The following TENT5D variants were observed in gnomAD, a reference collection of about 807,000 sequenced individuals.
TENT5D encodes cancer/testis antigen 112.
For missense variants in TENT5D, 191 were observed against 287.0 expected (o/e 0.67, Z 2.42); for synonymous variants, 103 against 100.6 (o/e 1.02, Z -0.15).
chrX:80,397,763 C>T lies in TENT5D; in HGVS notation c.-141-40847C>T, dbSNP rs751647779. Among the ~76,000 whole-genome samples, 148 of 112,697 alleles carry T rather than the reference C, an allele frequency of 1.3e-3. 1 individual carries two copies. The highest frequency in any genetic ancestry group is 2.5e-3 in the Non-Finnish European group (133 of 53,214). On this transcript the variant is annotated intron_variant, in intron 3 of 4. Transcript: ENST00000538312. ...CCAACACAGCGAAACCCCGTCTCCA[C>T]CAAAAAAATACGAAAACAAGTCAGG...
intron 3 of TENT5D, among the ~76,000 whole-genome samples, chrX:80,373,809 A>G (rs990876054): frequency 1.8e-5 from 2 of 111,173 alleles, no homozygotes; most frequent in African/African-American, 6.5e-5. Context: ...TATTTCATGT[A>G]TATTTTTTAG....
At chrX:80,411,313 C>G (rs1377320888) in intron 3 of TENT5D, among the ~76,000 whole-genome samples, 2 of 111,734 alleles carry the variant, frequency 1.8e-5, no homozygotes, top group Admixed American at 9.5e-5. Context: ...TTCTTAACAT[C>G]AAAACCCAAT....
intron 3 of TENT5D, among the ~76,000 whole-genome samples, chrX:80,367,978 ATAAC>A (rs1930543525): frequency 9.0e-6 from 1 of 111,571 alleles, no homozygotes; most frequent in Admixed American, 9.6e-5. Flanking sequence ...ACATTTAAAA[ATAAC>A]TAAAAGAGTA....
chrX:80,438,486 GTGTATGTATGTA>G (rs60722034), intron 1 of TENT5D, 112 bp from the exon 2 acceptor site: 2 of 107,832 alleles, frequency 1.9e-5, no homozygotes, highest in African/African-American at 3.3e-5. Context: ...GCGTCTGTGT[GTGTATGTATGTA>G]TGTATGTATG....
intron 3 of TENT5D, among the ~76,000 whole-genome samples, chrX:80,407,910 C>A (rs1205165065): frequency 9.0e-6 from 1 of 110,705 alleles, no homozygotes; most frequent in African/African-American, 3.3e-5. Context: ...TCTCTCAGAC[C>A]ACAGTACAAT....
chrX:80,361,842 C>T (rs1468189322), intron 3 of TENT5D, among the ~76,000 whole-genome samples: 1 of 111,573 alleles, frequency 9.0e-6, no homozygotes, highest in Non-Finnish European at 1.9e-5. Flanking sequence ...TAAATTTCAA[C>T]TTTTATTTTA....
chrX:80,354,289 G>T (rs747692172), intron 3 of TENT5D, among the ~76,000 whole-genome samples: 2 of 111,622 alleles, frequency 1.8e-5, no homozygotes, highest in African/African-American at 6.5e-5. Flanking sequence ...CCTCAGATAC[G>T]TTTTCCAAGT....
chrX:80,378,737 G>T (rs1176521200), intron 3 of TENT5D, among the ~76,000 whole-genome samples: 2 of 111,236 alleles, frequency 1.8e-5, no homozygotes, highest in African/African-American at 6.5e-5. Context: ...TGTTCTTTTG[G>T]CTTAGGATTG....
intron 3 of TENT5D, among the ~76,000 whole-genome samples, chrX:80,380,621 T>G (rs1270443255): frequency 3.6e-5 from 4 of 111,426 alleles, no homozygotes; most frequent in African/African-American, 1.3e-4. Context: ...TCTAAGAACT[T>G]GCTTTATGAA....
At chrX:80,365,181 G>A (rs1224305976) in intron 3 of TENT5D, among the ~76,000 whole-genome samples, 4 of 111,624 alleles carry the variant, frequency 3.6e-5, no homozygotes, top group African/African-American at 1.3e-4. Context: ...ATGGAACTTA[G>A]ATGCTGATAT....
At chrX:80,436,777 A>T (rs1043637545) in intron 1 of TENT5D, among the ~76,000 whole-genome samples, 1 of 111,223 alleles carries the variant, frequency 9.0e-6, no homozygotes, top group Non-Finnish European at 1.9e-5. Flanking sequence ...CATTTTCTTT[A>T]TCAGTCTCAT....
At chrX:80,359,595 A>G (rs1410747777) in intron 3 of TENT5D, among the ~76,000 whole-genome samples, 1 of 110,870 alleles carries the variant, frequency 9.0e-6, no homozygotes, top group African/African-American at 3.3e-5. Context: ...ATGAGAACAC[A>G]TGGATACAGG....
chrX:80,342,084 C>T (rs1929972814), intron 2 of TENT5D, among the ~76,000 whole-genome samples: 1 of 111,150 alleles, frequency 9.0e-6, no homozygotes, highest in African/African-American at 3.3e-5. Context: ...TATCATTTAA[C>T]CTACCATGTA....
At chrX:80,385,878 A>G (rs965932452) in intron 3 of TENT5D, among the ~76,000 whole-genome samples, 19 of 112,423 alleles carry the variant, frequency 1.7e-4, no homozygotes, top group Non-Finnish European at 3.6e-4. Flanking sequence ...GTGAGATACC[A>G]CTTCACACCA....
intron 3 of TENT5D, among the ~76,000 whole-genome samples, chrX:80,375,159 C>A (rs182689869): frequency 9.0e-6 from 1 of 111,301 alleles, no homozygotes; most frequent in African/African-American, 3.3e-5. Flanking sequence ...ATATTCACTT[C>A]ATCTCTGTTA....
At chrX:80,354,125 C>T (rs1280578333) in intron 3 of TENT5D, among the ~76,000 whole-genome samples, 1 of 111,071 alleles carries the variant, frequency 9.0e-6, no homozygotes, top group Non-Finnish European at 1.9e-5. Flanking sequence ...GTTTTTCCTA[C>T]CTGCCTTCAA....
intron 3 of TENT5D, among the ~76,000 whole-genome samples, chrX:80,393,696 T>G (rs894223953): frequency 6.3e-5 from 7 of 111,742 alleles, no homozygotes; most frequent in African/African-American, 2.3e-4. Context: ...AACCTTTTAC[T>G]ATCATTTCCT....
At chrX:80,392,983 CT>C (rs1378458426) in intron 3 of TENT5D, among the ~76,000 whole-genome samples, 1 of 111,474 alleles carries the variant, frequency 9.0e-6, no homozygotes, top group East Asian at 2.8e-4. Flanking sequence ...CTTTAAAAGG[CT>C]TTTATAAAAA....
chrX:80,366,180 TTGAG>T (rs1930506807), intron 3 of TENT5D, among the ~76,000 whole-genome samples: 2 of 93,206 alleles, frequency 2.1e-5, no homozygotes, highest in Admixed American at 1.3e-4. Context: ...AGTGGTGAGT[TTGAG>T]AGAGAGAAAG....
Sources: gnomAD v4.1 joint callset for allele counts (sites outside exome capture counted in the v4.1 genomes callset) on GRCh38, gnomAD v4.1.1 for gene constraint, MANE v1.5 for transcripts, NCBI Gene and HGNC (gene_info 2026-07-23, HGNC 2026-07-21) for gene names.